Variants in TRADD observed in about 807,000 individuals in gnomAD.
TRADD encodes the protein tumor necrosis factor receptor type 1-associated DEATH domain protein.
TRADD carries 14 observed loss-of-function variants against 31.5 expected under a neutral mutation model. The ratio of observed to expected loss-of-function variants is 0.44; its 90% CI spans 0.29 to 0.69. The LOEUF (loss-of-function observed/expected upper bound fraction) is 0.69, where lower values mean the gene tolerates loss of function less well. TRADD is among the 30% of genes least tolerant of loss of function. The pLI, the probability that TRADD is intolerant of heterozygous loss-of-function variation, is 0.11. For synonymous variants in TRADD, 220 were observed against 215.8 expected (o/e 1.02, Z -0.17); for missense variants, 388 against 435.7 (o/e 0.89, Z 0.97).
rs2030700547 is a variant in TRADD at position 67,156,454 on chromosome 16, C to A, written c.151+56G>T. 6.2e-7 allele frequency: 1 copy of A among 1,602,220 alleles called. No individual in the cohort carries two copies. The highest frequency in any genetic ancestry group is 1.7e-5 in the Admixed American group (1 of 59,992). Reference sequence around the variant, plus strand: ...TTAAAGGTGGCTAAACCCAGGCCCACCCACAAAATGCTCCAGGCCACCCCT... The same window carrying A: ...TTAAAGGTGGCTAAACCCAGGCCCAACCACAAAATGCTCCAGGCCACCCCT... On this transcript the variant is annotated intron_variant, in intron 2 of 4. Coordinates refer to ENST00000345057, the MANE Select transcript of TRADD (RefSeq NM_003789.4). The surrounding 1 kb of genome is among the most constrained non-coding windows in gnomAD (Gnocchi z 4.6).
In TRADD at chr16:67,154,739, C is replaced by T; in HGVS notation, c.849G>A (p.Gln283=). Residue 283 remains glutamine, a synonymous_variant, in exon 5 of 5, where the codon CAG becomes CAA. Transcript: ENST00000345057. The surrounding 1 kb of genome is among the most constrained non-coding windows in gnomAD (Gnocchi z 5.2). ...VQAEGRRATL[Q]RLVEALEENE... ...TCTCCTCGAGTGCCTCCACCAGGCG[C>T]TGCAGCGTGGCGCGGCGGCCCTCGG... 6.2e-7 allele frequency: 1 copy of T among 1,611,362 alleles called. No individual in the cohort carries two copies. Among genetic ancestry groups the T allele is most frequent in the South Asian group, 1.1e-5 (1 of 90,774 alleles).
chr16:67,156,426 T>C lies in TRADD; in HGVS notation c.151+84A>G. 6.3e-7 allele frequency: 1 copy of C among 1,592,182 alleles called. No individual in the cohort carries two copies. ...CTTGCTCCTCCCACCCCAAATCTTC[T>C]TCTTAAAGGTGGCTAAACCCAGGCC... On this transcript the variant is annotated intron_variant, in intron 2 of 4. Transcript: ENST00000345057. This position sits in a 1 kb window ranked among gnomAD's most constrained non-coding sequence, Gnocchi z 4.6.
At position 67,157,068 on chromosome 16, in the gene TRADD, A is replaced by C. The variant is rs13312732; in HGVS notation, c.-8-400T>G. ...CATTCTGGATGGTGCCCATGCCCCA[A>C]AGCCAACCAGACCCATATCCTGGCC... On this transcript the variant is annotated intron_variant, in intron 1 of 4. Transcript: ENST00000345057. 2.2e-3 allele frequency among the ~76,000 whole-genome samples: 341 copies of C among 152,264 alleles called. 2 individuals carry two copies. Among genetic ancestry groups the C allele is most frequent in the Middle Eastern group, 0.01 (3 of 294 alleles).
At chr16:67,158,208 C>A (rs530278710) in intron 1 of TRADD, among the ~76,000 whole-genome samples, 2 of 152,254 alleles carry the variant, frequency 1.3e-5, no homozygotes, top group Non-Finnish European at 2.9e-5. Flanking sequence ...CTCTGTCACC[C>A]AGGCTGGAGT....
At chr16:67,157,399 C>T (rs1466994031) in intron 1 of TRADD, among the ~76,000 whole-genome samples, 2 of 152,158 alleles carry the variant, frequency 1.3e-5, no homozygotes, top group African/African-American at 4.8e-5. Flanking sequence ...ATCAACGCTG[C>T]GACTCTGGTT....
At position 67,155,129 on chromosome 16, in the gene TRADD, C is replaced by A. The variant is rs1259578608; in HGVS notation, c.595G>T (p.Ala199Ser). 4 of 1,544,860 alleles carry A rather than the reference C, an allele frequency of 2.6e-6. No individual in the cohort carries two copies. Among genetic ancestry groups the A allele is most frequent in the Non-Finnish European group, 3.5e-6 (4 of 1,148,422 alleles). ...TGACCCTGGAACAGAAAAGTCTGGG[C>A]AGGTGGCGGCGGCGGCGGCGGCTTC... ...EVKPPPPPPP[A>S]QTFLFQGQPV... The change falls in exon 4 of 5, where the codon GCC (alanine) becomes TCC (serine). Residue 199 changes from alanine to serine, a missense_variant. Ala to Ser is a moderately conservative substitution (Grantham distance 99, BLOSUM62 1). Transcript: ENST00000345057.
rs772642482 is a variant in TRADD, at chr16:67,154,738, G to A, written c.850C>T (p.Arg284Cys). Residue 284 changes from arginine to cysteine, a missense_variant, in exon 5 of 5, where the codon CGC becomes TGC. Coordinates refer to ENST00000345057, the MANE Select transcript of TRADD (RefSeq NM_003789.4). The surrounding 1 kb of genome is among the most constrained non-coding windows in gnomAD (Gnocchi z 5.2). Reference sequence around the variant, plus strand: ...TTCTCCTCGAGTGCCTCCACCAGGCGCTGCAGCGTGGCGCGGCGGCCCTCG... The same window carrying A: ...TTCTCCTCGAGTGCCTCCACCAGGCACTGCAGCGTGGCGCGGCGGCCCTCG... ...QAEGRRATLQRLVEALEENEL... is the reference protein window; with the variant it reads ...QAEGRRATLQCLVEALEENEL... The A allele has an allele frequency of 9.9e-6, 16 of 1,611,062 alleles. No homozygotes were observed. Among genetic ancestry groups the A allele is most frequent in the Non-Finnish European group, 1.3e-5 (15 of 1,179,158 alleles).
chr16:67,155,313 C>T lies in TRADD; in HGVS notation c.430-19G>A. On this transcript the variant is annotated intron_variant, in intron 3 of 4. Transcript: ENST00000345057. The stretch of plus-strand genomic sequence containing the variant: ...GGTCGGGCTAGGGGAATGGAACGTG[C>T]CGTCACGGGGGACTTAACCGCGGAT... 6.2e-7 allele frequency: 1 copy of T among 1,609,598 alleles called. No homozygotes were observed.
rs776567408 is a variant in TRADD at position 67,155,255 on chromosome 16, C to T, written c.469G>A (p.Asp157Asn). The T allele has an allele frequency of 6.2e-7, 1 of 1,609,608 alleles. No homozygotes were observed. The highest frequency in any genetic ancestry group is 1.1e-5 in the South Asian group (1 of 90,480). Reference protein sequence around the residue: ...LRDEELAELEDALRNLKCGSG... With the variant: ...LRDEELAELENALRNLKCGSG... Reference sequence around the variant, plus strand: ...CCGCACTTCAGATTTCGCAGCGCATCCTCCAGCTCAGCCAGTTCTTCATCC... The same window carrying T: ...CCGCACTTCAGATTTCGCAGCGCATTCTCCAGCTCAGCCAGTTCTTCATCC... Residue 157 changes from aspartate to asparagine, a missense_variant, in exon 4 of 5, where the codon GAT becomes AAT. Coordinates refer to ENST00000345057, the MANE Select transcript of TRADD (RefSeq NM_003789.4).
At position 67,154,278 on chromosome 16, in the gene TRADD, T is replaced by C; in HGVS notation, c.*371A>G. On this transcript the variant is annotated 3_prime_UTR_variant, in exon 5 of 5. Coordinates refer to ENST00000345057, the MANE Select transcript of TRADD (RefSeq NM_003789.4). This position sits in a 1 kb window ranked among gnomAD's most constrained non-coding sequence, Gnocchi z 5.2. Reference sequence around the variant, plus strand: ...TGAGCTGGGGGCAGGCAAGATTGATTCCTGTTTTACTTCACTGCAGTATCT... The same window carrying C: ...TGAGCTGGGGGCAGGCAAGATTGATCCCTGTTTTACTTCACTGCAGTATCT... The C allele has an allele frequency of 1.1e-5, 4 of 360,946 alleles. No individual in the cohort carries two copies. The highest frequency in any genetic ancestry group is 3.3e-5 in the South Asian group (1 of 30,118). The allele number at this position is 360,946 out of a possible 1,614,324, so 22.4% of individuals were successfully genotyped here.
rs1234898582 is a variant in TRADD, at chr16:67,156,496, G to T, written c.151+14C>A. 1.9e-6 allele frequency: 3 copies of T among 1,609,730 alleles called. No individual in the cohort carries two copies. The highest frequency in any genetic ancestry group is 1.3e-5 in the African/African-American group (1 of 74,814). On this transcript the variant is annotated intron_variant, in intron 2 of 4. Transcript: ENST00000345057. This position sits in a 1 kb window ranked among gnomAD's most constrained non-coding sequence, Gnocchi z 4.6. ...GCCACCCCTTCCTCTCCACATGCCC[G>T]CCCATCCACGCACCTGCCAAGGCAG...
In TRADD at chr16:67,159,007, G is replaced by C. The variant is rs1487136097; in HGVS notation, c.-9+831C>G. ...GGGAGTACTGGGAACCTGGAGACTG[G>C]GGATGCTTTCTCACACTCACTAGTA... On this transcript the variant is annotated intron_variant, in intron 1 of 4. Coordinates refer to ENST00000345057, the MANE Select transcript of TRADD (RefSeq NM_003789.4). This position sits in a 1 kb window ranked among gnomAD's most constrained non-coding sequence, Gnocchi z 6.8. Among the ~76,000 whole-genome samples the C allele has an allele frequency of 6.6e-6, 1 of 152,294 alleles. No homozygotes were observed. The highest frequency in any genetic ancestry group is 2.1e-4 in the South Asian group (1 of 4,820).
In TRADD at chr16:67,155,668, C is replaced by T. The variant is rs1202185986; in HGVS notation, c.152-14G>A. ...TCCCGCCGCTCTCTGCGGAGGCGGG[C>T]GGTCAGGCGCCGGGCGGTCCCCAAG... On this transcript the variant is annotated splice_polypyrimidine_tract_variant and intron_variant, in intron 2 of 4. Coordinates refer to ENST00000345057, the MANE Select transcript of TRADD (RefSeq NM_003789.4). 3.8e-6 allele frequency: 6 copies of T among 1,562,512 alleles called. No individual in the cohort carries two copies. The highest frequency in any genetic ancestry group is 5.2e-6 in the Non-Finnish European group (6 of 1,162,420).
At chr16:67,157,574 C>A (rs1011531512) in intron 1 of TRADD, among the ~76,000 whole-genome samples, 5 of 152,100 alleles carry the variant, frequency 3.3e-5, no homozygotes, top group Admixed American at 2.0e-4. Flanking sequence ...CATACTAGGC[C>A]CCTGGATCCA....
Position 67,155,593 on chromosome 16 carries a change from C to A in TRADD, c.213G>T (p.Leu71=). 6.5e-7 allele frequency: 1 copy of A among 1,549,784 alleles called. No homozygotes were observed. The highest frequency in any genetic ancestry group is 1.9e-5 in the Admixed American group (1 of 53,466). The change falls in exon 3 of 5, where the codon CTG becomes CTT. Residue 71 remains leucine (L), a synonymous_variant. Coordinates refer to ENST00000345057, the MANE Select transcript of TRADD (RefSeq NM_003789.4). ...MLKIHRSDPQ[L]IVQLRFCGRQ... ...GCCCGCAGAATCGCAGCTGCACGATCAGCTGCGGGTCGCTGCGGTGGATCT... is the reference window on the plus strand; with the variant it reads ...GCCCGCAGAATCGCAGCTGCACGATAAGCTGCGGGTCGCTGCGGTGGATCT...
chr16:67,158,622 A>G (rs998594694), intron 1 of TRADD, among the ~76,000 whole-genome samples: 1 of 152,120 alleles, frequency 6.6e-6, no homozygotes, highest in African/African-American at 2.4e-5. Context: ...TTTTCTTTGT[A>G]TTTAGCAATA....
In TRADD at chr16:67,155,612, T is replaced by C; in HGVS notation, c.194A>G (p.His65Arg). The C allele has an allele frequency of 2.6e-6, 4 of 1,556,246 alleles. No individual in the cohort carries two copies. Among genetic ancestry groups the C allele is most frequent in the Non-Finnish European group, 3.5e-6 (4 of 1,158,048 alleles). Residue 65 changes from histidine to arginine, a missense_variant, in exon 3 of 5, where the codon CAC (histidine) becomes CGC (arginine). Transcript: ENST00000345057. ...SPDVLQMLKI[H>R]RSDPQLIVQL... ...CACGATCAGCTGCGGGTCGCTGCGGTGGATCTTCAGCATCTGCAGCACGTC... is the reference window on the plus strand; with the variant it reads ...CACGATCAGCTGCGGGTCGCTGCGGCGGATCTTCAGCATCTGCAGCACGTC...
At chr16:67,158,677 G>A (rs2030788103) in intron 1 of TRADD, among the ~76,000 whole-genome samples, 1 of 152,126 alleles carries the variant, frequency 6.6e-6, no homozygotes, top group South Asian at 2.1e-4. Flanking sequence ...TGTATTAAAA[G>A]AGCAAAATAA....
chr16:67,155,315 G>T, intron 3 of TRADD, 21 bp from the exon 4 acceptor site: 1 of 1,609,376 alleles, frequency 6.2e-7, no homozygotes. Flanking sequence ...GGAACGTGCC[G>T]TCACGGGGGA....
Sources: gnomAD v4.1 joint callset for allele counts (sites outside exome capture counted in the v4.1 genomes callset) on GRCh38, gnomAD v4.1.1 for gene constraint, Gnocchi (gnomAD v3.1) non-coding constraint, MANE v1.5 for transcripts, NCBI Gene and HGNC (gene_info 2026-07-23, HGNC 2026-07-21) for gene names.